KCNH8: variants seen among roughly 807,000 people sequenced by gnomAD.
The protein encoded by KCNH8 is potassium voltage-gated channel subfamily H member 8, also known as voltage-gated delayed rectifier potassium channel KCNH8.
A neutral mutation model predicts 103.6 loss-of-function variants in KCNH8; 70 were observed. The observed-to-expected ratio is 0.68, with a 90% CI of 0.56 to 0.82. The LOEUF (loss-of-function observed/expected upper bound fraction) is 0.82, where lower values mean the gene tolerates loss of function less well. KCNH8 is among the 40% of genes least tolerant of loss of function. The probability of loss-of-function intolerance (pLI) is 0.00; values close to 1 mark genes in which losing one functional copy is unlikely to be tolerated. For synonymous variants in KCNH8, 498 were observed against 489.4 expected (o/e 1.02, Z -0.23); for missense variants, 1,217 against 1,329.9 (o/e 0.92, Z 1.32).
At chr3:19,472,535 A>G (rs1288873096) in intron 11 of KCNH8, among the ~76,000 whole-genome samples, 2 of 152,190 alleles carry the variant, frequency 1.3e-5, no homozygotes, top group Admixed American at 6.5e-5. Context: ...TCCATGTAAG[A>G]TGTGACTTGC....
chr3:19,259,500 CTG>C, intron 2 of KCNH8, among the ~76,000 whole-genome samples: 1 of 151,800 alleles, frequency 6.6e-6, no homozygotes, highest in Middle Eastern at 3.4e-3. Context: ...GATGAGGAAA[CTG>C]TGATGTAGAA....
intron 1 of KCNH8, among the ~76,000 whole-genome samples, chr3:19,160,032 A>G (rs758034796): frequency 1.1e-4 from 17 of 152,156 alleles, no homozygotes; most frequent in Admixed American, 2.0e-4. Flanking sequence ...TGAATTATTA[A>G]ATTCTCATTT....
intron 1 of KCNH8, among the ~76,000 whole-genome samples, chr3:19,178,409 T>C (rs559061786): frequency 6.6e-6 from 1 of 152,264 alleles, no homozygotes; most frequent in East Asian, 1.9e-4. Flanking sequence ...TACATATTGC[T>C]AAGGGAGCTG....
At chr3:19,465,934 TTTTATTTA>T (rs372707941) in intron 11 of KCNH8, among the ~76,000 whole-genome samples, 3 of 152,150 alleles carry the variant, frequency 2.0e-5, no homozygotes, top group African/African-American at 7.2e-5. Context: ...CTTTATTTTA[TTTTATTTA>T]TTTATTTATT....
chr3:19,169,185 C>T (rs1433125325), intron 1 of KCNH8, among the ~76,000 whole-genome samples: 3 of 151,994 alleles, frequency 2.0e-5, no homozygotes, highest in Non-Finnish European at 4.4e-5. Flanking sequence ...CCAAGTTTCA[C>T]GACCTGCCTC....
chr3:19,239,381 G>A (rs956933633), intron 1 of KCNH8, among the ~76,000 whole-genome samples: 8 of 152,008 alleles, frequency 5.3e-5, no homozygotes, highest in Non-Finnish European at 1.2e-4. Flanking sequence ...TGGCCCGGAT[G>A]GTGAGAACAT....
intron 1 of KCNH8, among the ~76,000 whole-genome samples, chr3:19,170,802 A>C (rs1559407123): frequency 9.9e-6 from 1 of 100,614 alleles, no homozygotes; most frequent in Non-Finnish European, 1.9e-5. Flanking sequence ...ATATATATAT[A>C]TATATATATT....
chr3:19,169,535 C>T (rs756610120), intron 1 of KCNH8, among the ~76,000 whole-genome samples: 1 of 152,080 alleles, frequency 6.6e-6, no homozygotes. Flanking sequence ...CGTGAGCCAC[C>T]GCGCCCAGCC....
At chr3:19,438,618 T>A (rs749154366) in intron 8 of KCNH8, among the ~76,000 whole-genome samples, 2 of 152,198 alleles carry the variant, frequency 1.3e-5, no homozygotes, top group Non-Finnish European at 2.9e-5. Context: ...GCTCCTCTTA[T>A]GTAGAATCAT....
intron 3 of KCNH8, among the ~76,000 whole-genome samples, chr3:19,283,919 G>A (rs1225794525): frequency 6.7e-6 from 1 of 148,972 alleles, no homozygotes; most frequent in Non-Finnish European, 1.5e-5. Context: ...TCTAGCCTGG[G>A]TGACAGAGTG....
chr3:19,294,560 A>T (rs2064971142), intron 3 of KCNH8, among the ~76,000 whole-genome samples: 1 of 152,212 alleles, frequency 6.6e-6, no homozygotes, highest in South Asian at 2.1e-4. Flanking sequence ...ACTGGAACTG[A>T]AGAGCTCATA....
At chr3:19,364,131 A>G (rs1467398754) in intron 5 of KCNH8, among the ~76,000 whole-genome samples, 2 of 151,524 alleles carry the variant, frequency 1.3e-5, no homozygotes, top group Non-Finnish European at 2.9e-5. Flanking sequence ...CTCCCCTACT[A>G]CTAACATAGT....
At chr3:19,381,790 C>T (rs775336160) in intron 5 of KCNH8, among the ~76,000 whole-genome samples, 6 of 152,074 alleles carry the variant, frequency 3.9e-5, no homozygotes, top group Non-Finnish European at 8.8e-5. Flanking sequence ...AAAGTGAATT[C>T]GTATAGTCTC....
At chr3:19,498,912 C>CCACTTGAGGAGGCAGTCTG (rs2068510795) in intron 11 of KCNH8, among the ~76,000 whole-genome samples, 2 of 152,062 alleles carry the variant, frequency 1.3e-5, no homozygotes, top group East Asian at 3.9e-4. Flanking sequence ...GGGTCAGGGA[C>CCACTTGAGGAGGCAGTCTG]CCACTTGAGG....
At chr3:19,269,188 A>G (rs890932377) in intron 2 of KCNH8, among the ~76,000 whole-genome samples, 1 of 152,058 alleles carries the variant, frequency 6.6e-6, no homozygotes, top group Non-Finnish European at 1.5e-5. Flanking sequence ...AAAATAACTT[A>G]TAACTCGGAC....
At chr3:19,298,083 A>C (rs2065018207) in intron 3 of KCNH8, among the ~76,000 whole-genome samples, 1 of 152,238 alleles carries the variant, frequency 6.6e-6, no homozygotes, top group African/African-American at 2.4e-5. Flanking sequence ...AGAATAATAA[A>C]TAATAGTGCT....
At chr3:19,286,224 C>A (rs947198865) in intron 3 of KCNH8, among the ~76,000 whole-genome samples, 7 of 152,162 alleles carry the variant, frequency 4.6e-5, no homozygotes, top group African/African-American at 1.7e-4. Context: ...TCGTGTCACT[C>A]CCAAATGTAT....
intron 7 of KCNH8, among the ~76,000 whole-genome samples, chr3:19,415,061 CTAT>C (rs1245275223): frequency 6.6e-6 from 1 of 151,934 alleles, no homozygotes; most frequent in Non-Finnish European, 1.5e-5. Context: ...TTTTTAGATA[CTAT>C]TTTTACTACA....
intron 3 of KCNH8, among the ~76,000 whole-genome samples, chr3:19,312,327 T>C (rs2065218270): frequency 6.6e-6 from 1 of 151,960 alleles, no homozygotes; most frequent in Non-Finnish European, 1.5e-5. Context: ...AACAAGGTTA[T>C]GTGATCAGTT....
Sources: gnomAD v4.1 joint callset for allele counts (sites outside exome capture counted in the v4.1 genomes callset) on GRCh38, gnomAD v4.1.1 for gene constraint, MANE v1.5 for transcripts, NCBI Gene and HGNC (gene_info 2026-07-23, HGNC 2026-07-21) for gene names.